The following CADPS2 variants were observed in gnomAD, a reference collection of about 807,000 sequenced individuals.
CADPS2 encodes calcium dependent secretion activator 2.
In CADPS2, 93 loss-of-function variants were observed where a neutral mutation model predicts 172.5. The observed-to-expected ratio is 0.54, with a 90% CI of 0.46 to 0.64. The LOEUF (loss-of-function observed/expected upper bound fraction) is 0.64, where lower values mean the gene tolerates loss of function less well. Ranked by LOEUF, CADPS2 falls within the 30% of genes least tolerant of loss-of-function variation. CADPS2 has a pLI of 0.00. For missense variants in CADPS2, 1,420 were observed against 1,565.9 expected (o/e 0.91, Z 1.57); for synonymous variants, 546 against 555.2 (o/e 0.98, Z 0.23).
At chr7:122,402,028 G>A (rs553287698) in intron 20 of CADPS2, among the ~76,000 whole-genome samples, 37 of 152,174 alleles carry the variant, frequency 2.4e-4, no homozygotes, top group African/African-American at 8.9e-4. Context: ...CCAGACAGAT[G>A]TTTTTTTATT....
chr7:122,353,801 A>T (rs1399488427), intron 27 of CADPS2, among the ~76,000 whole-genome samples: 1 of 152,154 alleles, frequency 6.6e-6, no homozygotes, highest in Non-Finnish European at 1.5e-5. Flanking sequence ...CTTTGTAAAT[A>T]ACTTTTTTTT....
chr7:122,468,577 A>G (rs2055477031), intron 14 of CADPS2, among the ~76,000 whole-genome samples: 1 of 152,220 alleles, frequency 6.6e-6, no homozygotes, highest in Non-Finnish European at 1.5e-5. Flanking sequence ...TAGAATAGTA[A>G]GAGTAATCAA....
chr7:122,833,545 T>C (rs1807290005), intron 1 of CADPS2, among the ~76,000 whole-genome samples: 1 of 151,732 alleles, frequency 6.6e-6, no homozygotes, highest in African/African-American at 2.4e-5. Flanking sequence ...TTTTTTTGTT[T>C]GTTTGTTTTG....
intron 1 of CADPS2, among the ~76,000 whole-genome samples, chr7:122,753,113 T>C (rs2093017975): frequency 1.3e-5 from 2 of 152,186 alleles, no homozygotes; most frequent in African/African-American, 2.4e-5. Context: ...AACCAACTAG[T>C]ACCTATTACA....
At chr7:122,358,708 T>C (rs1296198971) in intron 27 of CADPS2, among the ~76,000 whole-genome samples, 1 of 152,078 alleles carries the variant, frequency 6.6e-6, no homozygotes, top group East Asian at 1.9e-4. Context: ...AGTTTGAGTA[T>C]AAAAAAGAAT....
At chr7:122,797,654 T>TAAGTG (rs1796676731) in intron 1 of CADPS2, among the ~76,000 whole-genome samples, 1 of 149,876 alleles carries the variant, frequency 6.7e-6, no homozygotes, top group Admixed American at 6.7e-5. Context: ...TGAGAACACA[T>TAAGTG]GGACACCTAG....
At chr7:122,570,682 A>G (rs1000624156) in intron 7 of CADPS2, among the ~76,000 whole-genome samples, 2 of 151,722 alleles carry the variant, frequency 1.3e-5, no homozygotes, top group African/African-American at 4.9e-5. Flanking sequence ...GCACATATAC[A>G]CCATAGAATA....
intron 6 of CADPS2, among the ~76,000 whole-genome samples, chr7:122,595,359 T>C (rs916467040): frequency 6.6e-6 from 1 of 152,084 alleles, no homozygotes; most frequent in Non-Finnish European, 1.5e-5. Context: ...CCCTAATTGA[T>C]GTCTAATTCG....
At chr7:122,404,761 A>G (rs1455217822) in intron 20 of CADPS2, among the ~76,000 whole-genome samples, 29 of 152,104 alleles carry the variant, frequency 1.9e-4, no homozygotes. Flanking sequence ...TTTTAAAATA[A>G]CCCCCAAAAT....
At chr7:122,767,658 G>A (rs2093595731) in intron 1 of CADPS2, among the ~76,000 whole-genome samples, 1 of 152,040 alleles carries the variant, frequency 6.6e-6, no homozygotes, top group Admixed American at 6.6e-5. Flanking sequence ...CCCATAGATG[G>A]TGTGTAAATA....
chr7:122,424,358 G>C (rs1032949906), intron 17 of CADPS2: 1 of 983,892 alleles, frequency 1.0e-6, no homozygotes, highest in Admixed American at 6.2e-5. Flanking sequence ...TAAATTCATT[G>C]TAAGCCTATG....
intron 12 of CADPS2, 83 bp from the exon 13 acceptor site, chr7:122,474,600 C>A (rs1018920981): frequency 7.6e-7 from 1 of 1,307,632 alleles, no homozygotes; most frequent in Non-Finnish European, 1.1e-6. Context: ...ATACAAAATG[C>A]GTGACTCAAG....
At chr7:122,423,350 T>G (rs894138685) in intron 17 of CADPS2, among the ~76,000 whole-genome samples, 1 of 152,144 alleles carries the variant, frequency 6.6e-6, no homozygotes, top group Non-Finnish European at 1.5e-5. Flanking sequence ...CCCTGCCATC[T>G]GTCTGCCAGT....
intron 14 of CADPS2, among the ~76,000 whole-genome samples, chr7:122,464,235 G>A (rs1452551731): frequency 1.3e-5 from 2 of 152,170 alleles, no homozygotes; most frequent in Non-Finnish European, 2.9e-5. Context: ...GCATATCAAA[G>A]GGAGCCAGTA....
At chr7:122,722,175 T>C (rs1373777584) in intron 2 of CADPS2, among the ~76,000 whole-genome samples, 2 of 152,152 alleles carry the variant, frequency 1.3e-5, no homozygotes, top group East Asian at 1.9e-4. Flanking sequence ...CAACATAGTG[T>C]TGGAAGTTCT....
chr7:122,630,139 T>G lies in CADPS2; in HGVS notation c.787-811A>C, dbSNP rs377515214. Among the ~76,000 whole-genome samples the G allele has an allele frequency of 4.6e-5, 7 of 152,228 alleles. No homozygotes were observed. The South Asian group carries it at 1.5e-3, about 32-fold the overall frequency. ...ACTTTAGTTTTTTCTCCTTTTGCAC[T>G]CTCATCACGAAGAAGCCTGGACTGC... On this transcript the variant is annotated intron_variant, in intron 3 of 29. Transcript: ENST00000449022.
chr7:122,606,443 T>C (rs867571280), intron 6 of CADPS2, among the ~76,000 whole-genome samples: 1 of 152,120 alleles, frequency 6.6e-6, no homozygotes, highest in Non-Finnish European at 1.5e-5. Flanking sequence ...AAAAACATCG[T>C]CCCAGTTAGG....
chr7:122,783,622 T>C (rs548840815), intron 1 of CADPS2, among the ~76,000 whole-genome samples: 94 of 152,356 alleles, frequency 6.2e-4, no homozygotes, highest in Non-Finnish European at 1.1e-3. Context: ...TGCTGAGTGT[T>C]GTAAACAGTT....
Position 122,663,477 on chromosome 7 carries a change from T to A in CADPS2, c.546A>T (p.Glu182Asp), listed in dbSNP as rs756597589. Residue 182 changes from glutamate (E) to aspartate (D), a missense_variant, in exon 3 of 30, where the codon GAA becomes GAT. By Grantham distance (45) the Glu-to-Asp change is conservative. Transcript: ENST00000449022. ...DFREVFKKNI[E>D]KRVRSLPEID... ...TTTCTGGCAAACTCCGCACACGTTT[T>A]TCTATGTTTTTCTTAAATACTTCTC... The A allele has an allele frequency of 6.2e-7, 1 of 1,613,854 alleles. No individual in the cohort carries two copies. Among genetic ancestry groups the A allele is most frequent in the East Asian group, 2.2e-5 (1 of 44,878 alleles).
Sources: allele counts gnomAD v4.1 joint callset (sites outside exome capture counted in the v4.1 genomes callset), GRCh38; gene constraint gnomAD v4.1.1; transcripts MANE v1.5; gene names NCBI Gene and HGNC (gene_info 2026-07-23, HGNC 2026-07-21).